The following CACNA2D2 variants were observed in gnomAD, a reference collection of about 807,000 sequenced individuals.
CACNA2D2 encodes voltage-dependent calcium channel subunit alpha-2/delta-2.
Under a neutral mutation model 166.4 loss-of-function variants are expected in CACNA2D2, and 48 were observed. That is an observed-to-expected ratio of 0.29 (90% CI 0.23 to 0.37). CACNA2D2 has a LOEUF of 0.37. Among genes scored for constraint, CACNA2D2 ranks in the 10% least tolerant of loss-of-function variants. The pLI is 1.00. For missense variants in CACNA2D2, 1,122 were observed against 1,433.0 expected (o/e 0.78, Z 3.50); for synonymous variants, 561 against 573.7 (o/e 0.98, Z 0.32).
chr3:50,502,118 G>A (rs1418728546), intron 1 of CACNA2D2, among the ~76,000 whole-genome samples: 1 of 152,156 alleles, frequency 6.6e-6, no homozygotes, highest in Non-Finnish European at 1.5e-5. Flanking sequence ...TCTTACCCTT[G>A]GGCAGAGCTG....
At chr3:50,435,190 G>A (rs1281865833) in intron 2 of CACNA2D2, among the ~76,000 whole-genome samples, 2 of 151,994 alleles carry the variant, frequency 1.3e-5, no homozygotes, top group Non-Finnish European at 2.9e-5. Context: ...GCACGTGCCT[G>A]CGTGTTGGGG....
chr3:50,491,192 G>T (rs1250033866), intron 1 of CACNA2D2, among the ~76,000 whole-genome samples: 1 of 152,220 alleles, frequency 6.6e-6, no homozygotes, highest in Non-Finnish European at 1.5e-5. Context: ...CCGGTTACAG[G>T]AAAGGACAGA....
chr3:50,451,685 C>T (rs1360658855), intron 2 of CACNA2D2, among the ~76,000 whole-genome samples: 1 of 152,166 alleles, frequency 6.6e-6, no homozygotes, highest in African/African-American at 2.4e-5. Flanking sequence ...AACCTGGCTG[C>T]CAGGGGCCTG....
intron 3 of CACNA2D2, among the ~76,000 whole-genome samples, chr3:50,419,377 C>T (rs1707435565): frequency 6.6e-6 from 1 of 152,148 alleles, no homozygotes; most frequent in African/African-American, 2.4e-5. Context: ...CTCTAGCATA[C>T]CTGGGGTCCT....
chr3:50,366,176 G>A lies in CACNA2D2; in HGVS notation c.2710-13C>T. On this transcript the variant is annotated splice_polypyrimidine_tract_variant and intron_variant, in intron 31 of 37. Coordinates refer to ENST00000424201, the MANE Select transcript of CACNA2D2 (RefSeq NM_006030.4). This position sits in a 1 kb window ranked among gnomAD's most constrained non-coding sequence, Gnocchi z 5.9. ...AGAACCTGCCCACCTGAGGATGTCA[G>A]GAGAAAGCCATGGTCACAGGGCTGG... The A allele has an allele frequency of 6.2e-7, 1 of 1,613,956 alleles. No individual in the cohort carries two copies. Among genetic ancestry groups the A allele is most frequent in the Non-Finnish European group, 8.5e-7 (1 of 1,179,956 alleles).
intron 2 of CACNA2D2, among the ~76,000 whole-genome samples, chr3:50,462,732 G>T (rs1207946832): frequency 6.6e-6 from 1 of 152,144 alleles, no homozygotes; most frequent in Non-Finnish European, 1.5e-5. Flanking sequence ...TCAGAGATTA[G>T]AAAGTGACAG....
intron 1 of CACNA2D2, among the ~76,000 whole-genome samples, chr3:50,484,236 T>C (rs189455639): frequency 1.3e-5 from 2 of 152,280 alleles, no homozygotes; most frequent in East Asian, 3.9e-4. Context: ...ACCTTTGCAA[T>C]AGGCCTGAAT....
chr3:50,414,518 G>A (rs1277286347), intron 3 of CACNA2D2, among the ~76,000 whole-genome samples: 2 of 151,968 alleles, frequency 1.3e-5, no homozygotes, highest in African/African-American at 2.4e-5. Context: ...GGACAGGGCA[G>A]CCCCCCTTCC....
In CACNA2D2 at chr3:50,366,915, C is replaced by T. The variant is rs1704332918; in HGVS notation, c.2505G>A (p.Val835=). 8 of 1,613,768 alleles carry T rather than the reference C, an allele frequency of 5.0e-6. No homozygotes were observed. The highest frequency in any genetic ancestry group is 5.9e-6 in the Non-Finnish European group (7 of 1,180,032). The change falls in exon 29 of 38, where the codon GTG becomes GTA. Residue 835 remains valine (V), a synonymous_variant. Coordinates refer to ENST00000424201, the MANE Select transcript of CACNA2D2 (RefSeq NM_006030.4). This position sits in a 1 kb window ranked among gnomAD's most constrained non-coding sequence, Gnocchi z 5.9. ...LGRRTLRPAV[V]GVKLDLEAWA... ...AAGCCTCTAGGTCCAGCTTGACGCCCACCACTTTGGGGGAGAGCAAGGGAC... is the reference window on the plus strand; with the variant it reads ...AAGCCTCTAGGTCCAGCTTGACGCCTACCACTTTGGGGGAGAGCAAGGGAC...
chr3:50,381,428 G>C (rs1482990296), intron 6 of CACNA2D2, among the ~76,000 whole-genome samples: 1 of 152,088 alleles, frequency 6.6e-6, no homozygotes, highest in Non-Finnish European at 1.5e-5. Context: ...CCAGGTGGCT[G>C]GGTGCTGGGA....
chr3:50,495,047 C>A (rs1423927916), intron 1 of CACNA2D2, among the ~76,000 whole-genome samples: 1 of 152,230 alleles, frequency 6.6e-6, no homozygotes, highest in Non-Finnish European at 1.5e-5. Context: ...GCCCTCCCCG[C>A]AGTCTGTACT....
At chr3:50,406,534 T>C (rs940191517) in intron 3 of CACNA2D2, among the ~76,000 whole-genome samples, 1 of 151,636 alleles carries the variant, frequency 6.6e-6, no homozygotes, top group Admixed American at 6.6e-5. Flanking sequence ...ATCATCACTG[T>C]TGTTCCCCCC....
At position 50,376,131 on chromosome 3, in the gene CACNA2D2, G is replaced by C; in HGVS notation, c.1684C>G (p.Pro562Ala). The change falls in exon 18 of 38, where the codon CCC (proline) becomes GCC (alanine). Residue 562 changes from proline to alanine, a missense_variant. Pro to Ala is a conservative substitution (Grantham distance 27, BLOSUM62 -1). Coordinates refer to ENST00000424201, the MANE Select transcript of CACNA2D2 (RefSeq NM_006030.4). The surrounding 1 kb of genome is among the most constrained non-coding windows in gnomAD (Gnocchi z 4.3). ...IDLNGYVLLHPNLKPQTTNFR... is the reference protein window; with the variant it reads ...IDLNGYVLLHANLKPQTTNFR... ...TGGCTCACCTGGGGCTTGAGATTGG[G>C]GTGCAGCAACACGTAGCCGTTCAGG... is the stretch of plus-strand genomic sequence containing the variant. The C allele has an allele frequency of 6.2e-7, 1 of 1,613,506 alleles. No individual in the cohort carries two copies. The highest frequency in any genetic ancestry group is 1.1e-5 in the South Asian group (1 of 91,080).
chr3:50,477,493 GA>G (rs1183831134), intron 1 of CACNA2D2, among the ~76,000 whole-genome samples: 1 of 152,144 alleles, frequency 6.6e-6, no homozygotes, highest in Admixed American at 6.6e-5. Flanking sequence ...CCCTTAAGCA[GA>G]GCCAGATCAG....
chr3:50,368,341 C>A (rs1704465319), intron 23 of CACNA2D2, 106 bp from the exon 24 acceptor site: 14 of 747,854 alleles, frequency 1.9e-5, no homozygotes, highest in Non-Finnish European at 2.6e-5. Flanking sequence ...GAAGCCTGGG[C>A]CTCAGGGAGG....
chr3:50,398,289 G>A (rs1308220646), intron 3 of CACNA2D2, among the ~76,000 whole-genome samples: 11 of 151,944 alleles, frequency 7.2e-5, no homozygotes, highest in African/African-American at 2.4e-4. Context: ...GTCTCTGGTC[G>A]CCCTGCTACC....
In CACNA2D2 at chr3:50,367,658, G is replaced by A. The variant is rs1553726252; in HGVS notation, c.2281C>T (p.Arg761Ter). 1.2e-6 allele frequency: 2 copies of A among 1,611,922 alleles called. No individual in the cohort carries two copies. The highest frequency in any genetic ancestry group is 1.7e-6 in the Non-Finnish European group (2 of 1,178,530). The change falls in exon 26 of 38, where the codon CGA becomes TGA. Residue 761 changes from arginine to a stop codon, truncating the protein, a stop_gained. Coordinates refer to ENST00000424201, the MANE Select transcript of CACNA2D2 (RefSeq NM_006030.4). LOFTEE classifies it high-confidence loss of function. The surrounding 1 kb of genome is among the most constrained non-coding windows in gnomAD (Gnocchi z 6.5). Reference sequence around the variant, plus strand: ...GTCACTTACTTGTTGGGGAAGACTCGGGTGATGCCACCGTCTGTGGCAGCG... The same window carrying A: ...GTCACTTACTTGTTGGGGAAGACTCAGGTGATGCCACCGTCTGTGGCAGCG... ...VFAATDGGIT[R>*]VFPNKAAEDW...
chr3:50,371,947 C>G (rs1704674010), intron 22 of CACNA2D2, among the ~76,000 whole-genome samples: 1 of 151,902 alleles, frequency 6.6e-6, no homozygotes, highest in Admixed American at 6.5e-5. Context: ...GCCCTGGCCA[C>G]TGGAGGTGGC....
chr3:50,426,910 C>T (rs987715688), intron 3 of CACNA2D2, among the ~76,000 whole-genome samples: 1 of 152,206 alleles, frequency 6.6e-6, no homozygotes, highest in Non-Finnish European at 1.5e-5. Context: ...CATGTCCCAG[C>T]CATGTCCCAC....
Sources: gnomAD v4.1 joint callset for allele counts (sites outside exome capture counted in the v4.1 genomes callset) on GRCh38, gnomAD v4.1.1 for gene constraint, Gnocchi (gnomAD v3.1) non-coding constraint, MANE v1.5 for transcripts, NCBI Gene and HGNC (gene_info 2026-07-23, HGNC 2026-07-21) for gene names.